RIC8A: variants seen among roughly 807,000 people sequenced by gnomAD.
RIC8A encodes the protein chaperone Ric-8A.
RIC8A carries 37 observed loss-of-function variants against 48.4 expected under a neutral mutation model. The observed-to-expected ratio is 0.77, with a 90% CI of 0.59 to 1.01. The LOEUF (loss-of-function observed/expected upper bound fraction) is 1.01, where lower values mean the gene tolerates loss of function less well. Ranked by LOEUF, RIC8A falls within the 50% of genes least tolerant of loss-of-function variation. The pLI, the probability that RIC8A is intolerant of heterozygous loss-of-function variation, is 0.00. For missense variants in RIC8A, 681 were observed against 696.8 expected (o/e 0.98, Z 0.25); for synonymous variants, 288 against 283.4 (o/e 1.02, Z -0.16).
rs758199508 is a variant in RIC8A at position 209,604 on chromosome 11, C to G, written c.330C>G (p.Asp110Glu). The change falls in exon 3 of 10, where the codon GAC becomes GAG. Residue 110 changes from aspartate to glutamate, a missense_variant. By Grantham distance (45) the Asp-to-Glu change is conservative. Transcript: ENST00000526104. The stretch of plus-strand genomic sequence containing the variant: ...AGGGGTCCGTCCCAGAGTCCGCAGA[C>G]ATGGATGTTGTACTGGAGTCCCTCA... ...VSEGSVPESA[D>E]MDVVLESLKC... 2.5e-6 allele frequency: 4 copies of G among 1,614,086 alleles called. No homozygotes were observed. In the South Asian group the frequency reaches 4.4e-5, roughly 18 times the overall value.
In RIC8A at chr11:214,522, G is replaced by C. The variant is rs564511127; in HGVS notation, c.*172G>C. 3 of 811,796 alleles carry C rather than the reference G, an allele frequency of 3.7e-6. No homozygotes were observed. Among genetic ancestry groups the C allele is most frequent in the East Asian group, 5.3e-5 (2 of 37,510 alleles). 50.3% of individuals were successfully genotyped at this position (811,796 alleles called of 1,614,324 possible). A position where few individuals can be genotyped will look rare whatever the true frequency, so the allele number is the denominator to read the frequency against. On this transcript the variant is annotated 3_prime_UTR_variant, in exon 10 of 10. Transcript: ENST00000526104. Reference sequence around the variant, plus strand: ...CTGTTCATGATTTGCCTCTGGTCCAGTTTCTCATCTCTGGACTGCAACGGT... The same window carrying C: ...CTGTTCATGATTTGCCTCTGGTCCACTTTCTCATCTCTGGACTGCAACGGT...
In RIC8A at chr11:213,390, C is replaced by G. The variant is rs1349221844; in HGVS notation, c.1447C>G (p.Leu483Val). The change falls in exon 9 of 10, where the codon CTG becomes GTG. Residue 483 changes from leucine to valine, a missense_variant. Coordinates refer to ENST00000526104, the MANE Select transcript of RIC8A (RefSeq NM_001286134.2). Reference protein sequence around the residue: ...EEQKEHEAMKLVTMFDKLSRN... With the variant: ...EEQKEHEAMKVVTMFDKLSRN... The stretch of plus-strand genomic sequence containing the variant: ...GCAGAAGGAGCACGAGGCCATGAAG[C>G]TGGTGACCATGTTTGACAAGCTCTC... 2 of 1,602,388 alleles carry G rather than the reference C, an allele frequency of 1.2e-6. No individual in the cohort carries two copies. The highest frequency in any genetic ancestry group is 1.7e-6 in the Non-Finnish European group (2 of 1,174,120).
chr11:208,964 G>A lies in RIC8A; in HGVS notation c.84+26G>A, dbSNP rs774028443. The A allele has an allele frequency of 3.2e-6, 5 of 1,568,820 alleles. No homozygotes were observed. Among genetic ancestry groups the A allele is most frequent in the South Asian group, 1.1e-5 (1 of 87,186 alleles). ...GTAAGCGGCCGCCTGAGGCCGGGGG[G>A]CGGGCACGGAGGGGGTGGGGCAGGG... On this transcript the variant is annotated intron_variant, in intron 1 of 9. Transcript: ENST00000526104. The surrounding 1 kb of genome is among the most constrained non-coding windows in gnomAD (Gnocchi z 4.8).
intron 9 of RIC8A, among the ~76,000 whole-genome samples, chr11:214,010 C>T (rs961418596): frequency 6.6e-6 from 1 of 151,840 alleles, no homozygotes; most frequent in Non-Finnish European, 1.5e-5. Flanking sequence ...AAATTAAGAG[C>T]CTGCTTAAGG....
In RIC8A at chr11:210,392, A is replaced by T. The variant is rs74438028; in HGVS notation, c.727-179A>T. On this transcript the variant is annotated intron_variant, in intron 3 of 9. Coordinates refer to ENST00000526104, the MANE Select transcript of RIC8A (RefSeq NM_001286134.2). ...AGTTTTTAGGAAGACAGCAGTGGTC[A>T]TCTTTTGCCCCCAGCACTACCCAGA... 3.3e-3 allele frequency: 2,368 copies of T among 727,542 alleles called. 12 individuals carry two copies. Among genetic ancestry groups the T allele is most frequent in the Middle Eastern group, 5.0e-3 (22 of 4,400 alleles). The allele number at this position is 727,542 out of a possible 1,614,324, so 45.1% of individuals were successfully genotyped here.
chr11:211,256 C>T lies in RIC8A; in HGVS notation c.876C>T (p.Thr292=), dbSNP rs774133385. ...LPLKCLDVLL[T]LEPHGDSTEF... is the part of the protein sequence containing the mutation. ...TCAAGTGTCTGGATGTTCTCCTCAC[C>T]CTGGAGCCACATGGAGACTCCACGG... Residue 292 remains threonine, a synonymous_variant, in exon 5 of 10, where the codon ACC becomes ACT. Coordinates refer to ENST00000526104, the MANE Select transcript of RIC8A (RefSeq NM_001286134.2). The surrounding 1 kb of genome is among the most constrained non-coding windows in gnomAD (Gnocchi z 4.0). The T allele has an allele frequency of 1.2e-6, 2 of 1,613,966 alleles. No individual in the cohort carries two copies. Among genetic ancestry groups the T allele is most frequent in the African/African-American group, 2.7e-5 (2 of 74,896 alleles).
In RIC8A at chr11:211,264, C is replaced by G; in HGVS notation, c.884C>G (p.Pro295Arg). 6.2e-7 allele frequency: 1 copy of G among 1,614,168 alleles called. No individual in the cohort carries two copies. Among genetic ancestry groups the G allele is most frequent in the Middle Eastern group, 1.6e-4 (1 of 6,062 alleles). ...CTGGATGTTCTCCTCACCCTGGAGC[C>G]ACATGGAGACTCCACGGAGTTCATG... Reference protein sequence around the residue: ...KCLDVLLTLEPHGDSTEFMGV... With the variant: ...KCLDVLLTLERHGDSTEFMGV... Residue 295 changes from proline to arginine, a missense_variant, in exon 5 of 10, where the codon CCA (proline) becomes CGA (arginine). Coordinates refer to ENST00000526104, the MANE Select transcript of RIC8A (RefSeq NM_001286134.2). This position sits in a 1 kb window ranked among gnomAD's most constrained non-coding sequence, Gnocchi z 4.0.
At position 209,395 on chromosome 11, in the gene RIC8A, C is replaced by T. The variant is rs780904520; in HGVS notation, c.133-12C>T. Reference sequence around the variant, plus strand: ...AAGGGCCTGGTGGAGCCGCTCTTCTCCCTGCCCACAGAGACTGGCGGAGCT... The same window carrying T: ...AAGGGCCTGGTGGAGCCGCTCTTCTTCCTGCCCACAGAGACTGGCGGAGCT... On this transcript the variant is annotated splice_polypyrimidine_tract_variant and intron_variant, in intron 2 of 9. Coordinates refer to ENST00000526104, the MANE Select transcript of RIC8A (RefSeq NM_001286134.2). 6.9e-6 allele frequency: 11 copies of T among 1,600,504 alleles called. No individual in the cohort carries two copies. The highest frequency in any genetic ancestry group is 9.4e-6 in the Non-Finnish European group (11 of 1,170,610).
chr11:209,418 GCTGCTGGT>G lies in RIC8A; in HGVS notation c.147_154del (p.Leu50ArgfsTer45). On this transcript the variant is annotated frameshift_variant, in exon 3 of 10. Transcript: ENST00000526104. LOFTEE classifies it high-confidence loss of function. ...CTCCCTGCCCACAGAGACTGGCGGA[GCTGCTGGT>G]CTCCGTCCTGGAACAGGGCTTGCCA... 1 of 1,601,028 alleles carries G rather than the reference GCTGCTGGT, an allele frequency of 6.2e-7. No homozygotes were observed. Among genetic ancestry groups the G allele is most frequent in the Non-Finnish European group, 8.5e-7 (1 of 1,170,614 alleles).
rs561653224 is a variant in RIC8A at position 211,509 on chromosome 11, G to C, written c.969+160G>C. On this transcript the variant is annotated intron_variant, in intron 5 of 9. Coordinates refer to ENST00000526104, the MANE Select transcript of RIC8A (RefSeq NM_001286134.2). The surrounding 1 kb of genome is among the most constrained non-coding windows in gnomAD (Gnocchi z 4.0). ...TCCGGTTGTTCTGTGGTCCAGCCTG[G>C]CAAGAAGCCAGACCCTTCCTCCATG... The C allele has an allele frequency of 1.2e-4, 86 of 732,748 alleles. No individual in the cohort carries two copies. Among genetic ancestry groups the C allele is most frequent in the Non-Finnish European group, 1.6e-4 (77 of 469,720 alleles). 45.4% of individuals were successfully genotyped at this position (732,748 alleles called of 1,614,324 possible).
At position 209,381 on chromosome 11, in the gene RIC8A, G is replaced by A. The variant is rs753017965; in HGVS notation, c.133-26G>A. On this transcript the variant is annotated intron_variant, in intron 2 of 9. Transcript: ENST00000526104. Reference sequence around the variant, plus strand: ...GTGGCCCCAGGAAGAAGGGCCTGGTGGAGCCGCTCTTCTCCCTGCCCACAG... The same window carrying A: ...GTGGCCCCAGGAAGAAGGGCCTGGTAGAGCCGCTCTTCTCCCTGCCCACAG... The A allele has an allele frequency of 4.4e-6, 7 of 1,600,868 alleles. No individual in the cohort carries two copies. The Admixed American group carries it at 1.2e-4, about 27-fold the overall frequency.
intron 8 of RIC8A, 34 bp from the exon 9 acceptor site, chr11:213,265 A>G: frequency 6.2e-7 from 1 of 1,613,312 alleles, no homozygotes; most frequent in Non-Finnish European, 8.5e-7. Context: ...AGAGTCACTA[A>G]TGCATTCCCC....
rs1434365163 is a variant in RIC8A, at chr11:208,316, G to A, written c.-539G>A. On this transcript the variant is annotated 5_prime_UTR_variant, in exon 1 of 10. Coordinates refer to ENST00000526104, the MANE Select transcript of RIC8A (RefSeq NM_001286134.2). The surrounding 1 kb of genome is among the most constrained non-coding windows in gnomAD (Gnocchi z 4.8). The stretch of plus-strand genomic sequence containing the variant: ...TGCTTCTTTTGAAGCACAGCCCTGT[G>A]ACCGCCTCGTGTCCTTTTGTTTTTC... The A allele has an allele frequency of 6.5e-6, 1 of 152,786 alleles. No individual in the cohort carries two copies. The highest frequency in any genetic ancestry group is 2.4e-5 in the African/African-American group (1 of 41,438). The allele number at this position is 152,786 out of a possible 1,614,324, so 9.5% of individuals were successfully genotyped here.
intron 5 of RIC8A, 66 bp from the exon 6 acceptor site, chr11:212,350 G>A (rs905150558): frequency 4.0e-6 from 6 of 1,488,462 alleles, no homozygotes; most frequent in African/African-American, 2.8e-5. Flanking sequence ...TGGTGGGGAG[G>A]TGTAACTCTG....
intron 4 of RIC8A, chr11:210,967 A>G (rs945463751): frequency 2.8e-4 from 168 of 608,676 alleles, no homozygotes; most frequent in Middle Eastern, 8.7e-4. Context: ...TGGCTCAGAC[A>G]GGGTCGGGGA....
At position 209,763 on chromosome 11, in the gene RIC8A, T is replaced by C. The variant is rs1855299498; in HGVS notation, c.489T>C (p.Phe163=). The C allele has an allele frequency of 1.2e-6, 2 of 1,614,094 alleles. No individual in the cohort carries two copies. The highest frequency in any genetic ancestry group is 1.1e-5 in the South Asian group (1 of 91,088). Residue 163 remains phenylalanine, a synonymous_variant, in exon 3 of 10, where the codon TTT becomes TTC. Coordinates refer to ENST00000526104, the MANE Select transcript of RIC8A (RefSeq NM_001286134.2). ...GCTTCCCCCACGATGTCCAGTTCTT[T>C]GACTTGCGGCTCCTCTTCCTGCTAA... The part of the protein sequence containing the change: ...ERSFPHDVQF[F]DLRLLFLLTA...
Position 208,890 on chromosome 11 carries a change from G to C in RIC8A, c.36G>C (p.Thr12=), listed in dbSNP as rs1564798028. Residue 12 remains threonine (T), a synonymous_variant, in exon 1 of 10, where the codon ACG becomes ACC. Transcript: ENST00000526104. This position sits in a 1 kb window ranked among gnomAD's most constrained non-coding sequence, Gnocchi z 4.8. ...GGGCGGTTGCAGAAGCCGTGGAGAC[G>C]GGTGAGGAGGATGTGATTATGGAAG... The part of the protein sequence containing the change: ...EPRAVAEAVE[T]GEEDVIMEAL... The C allele has an allele frequency of 1.2e-6, 2 of 1,611,252 alleles. No individual in the cohort carries two copies. Among genetic ancestry groups the C allele is most frequent in the East Asian group, 2.2e-5 (1 of 44,790 alleles).
intron 1 of RIC8A, 75 bp downstream of exon 1, chr11:209,013 C>A: frequency 1.5e-6 from 2 of 1,305,726 alleles, no homozygotes; most frequent in Admixed American, 2.0e-5. Flanking sequence ...GCAGGGAGGG[C>A]GTGGGTGAGG....
rs933841179 is a variant in RIC8A at position 208,711 on chromosome 11, G to T, written c.-144G>T. ...CCCTTAAAGCGCCACCAGACGCTGC[G>T]CCCCGTTAAAGCGCCACCAGACGCC... is the stretch of plus-strand genomic sequence containing the variant. On this transcript the variant is annotated 5_prime_UTR_variant, in exon 1 of 10. Transcript: ENST00000526104. This position sits in a 1 kb window ranked among gnomAD's most constrained non-coding sequence, Gnocchi z 4.8. The T allele has an allele frequency of 5.7e-5, 32 of 562,648 alleles. No individual in the cohort carries two copies. The highest frequency in any genetic ancestry group is 4.6e-4 in the Admixed American group (11 of 23,966). 34.9% of individuals were successfully genotyped at this position (562,648 alleles called of 1,614,324 possible). A position where few individuals can be genotyped will look rare whatever the true frequency, so the allele number is the denominator to read the frequency against.
Sources: allele counts gnomAD v4.1 joint callset (sites outside exome capture counted in the v4.1 genomes callset), GRCh38; gene constraint gnomAD v4.1.1; non-coding constraint Gnocchi (gnomAD v3.1); transcripts MANE v1.5; gene names NCBI Gene and HGNC (gene_info 2026-07-23, HGNC 2026-07-21).